Variants in CFI observed in about 807,000 individuals in gnomAD.
CFI encodes the protein complement factor I.
In CFI, 66 loss-of-function variants were observed where a neutral mutation model predicts 78.8. The observed-to-expected ratio is 0.84, with a 90% CI of 0.69 to 1.03. The LOEUF is 1.03. Ranked by LOEUF, CFI falls within the 50% of genes least tolerant of loss-of-function variation. CFI has a pLI of 0.00. For missense variants in CFI, 706 were observed against 704.5 expected, an observed-to-expected ratio of 1.00 and a Z score of -0.02; for synonymous variants, 250 against 232.6, an observed-to-expected ratio of 1.07 and a Z score of -0.68.
intron 1 of CFI, among the ~76,000 whole-genome samples, chr4:109,786,822 T>G (rs1447921376): frequency 2.6e-5 from 4 of 152,152 alleles, no homozygotes; most frequent in Non-Finnish European, 5.9e-5. Context: ...TGAAGATCTG[T>G]ATAAATGTGA....
chr4:109,774,653 G>A (rs1728996548), intron 1 of CFI, among the ~76,000 whole-genome samples: 1 of 152,218 alleles, frequency 6.6e-6, no homozygotes, highest in Non-Finnish European at 1.5e-5. Context: ...AAAGCCCTTG[G>A]AGGGTGTAAA....
downstream of CFI, among the ~76,000 whole-genome samples, chr4:109,740,362 G>GA (rs1445935497): frequency 7.2e-4 from 103 of 143,952 alleles, 1 homozygote; most frequent in African/African-American, 2.3e-3. Context: ...GAGAAAGAAA[G>GA]AAGGAAAGAG....
At chr4:109,795,924 AG>A (rs1448154710) in intron 1 of CFI, among the ~76,000 whole-genome samples, 1 of 152,216 alleles carries the variant, frequency 6.6e-6, no homozygotes, top group Non-Finnish European at 1.5e-5. Context: ...GGAAAAGGAA[AG>A]AAAGCTTATT....
chr4:109,789,410 G>C (rs763112311), intron 1 of CFI, among the ~76,000 whole-genome samples: 109 of 151,006 alleles, frequency 7.2e-4, no homozygotes, highest in Non-Finnish European at 1.2e-3. Flanking sequence ...CAATAACTAA[G>C]AGAAAATCTT....
chr4:109,756,941 GAAAGAAAGAAAGAAAGAAA>G (rs1726333813), intron 7 of CFI, among the ~76,000 whole-genome samples: 1 of 147,938 alleles, frequency 6.8e-6, no homozygotes, highest in Non-Finnish European at 1.5e-5. Context: ...AAGAAAGAAA[GAAAGAAAGAAAGAAAGAAA>G]GAAAGAAAGA....
rs944795124 is a variant in CFI, at chr4:109,746,432, T to C, written c.1219A>G (p.Ile407Val). ...ATTCTATCCACGTATTCAATTACTATACGTTTAAGGTCGGGGTGTATCCAG... is the reference window on the plus strand; with the variant it reads ...ATTCTATCCACGTATTCAATTACTACACGTTTAAGGTCGGGGTGTATCCAG... ...VDWIHPDLKRIVIEYVDRIIF... is the reference protein window; with the variant it reads ...VDWIHPDLKRVVIEYVDRIIF... Residue 407 changes from isoleucine to valine, a missense_variant, in exon 11 of 13, where the codon ATA becomes GTA. Ile to Val is a conservative substitution (Grantham distance 29). Transcript: ENST00000394634. 4 of 1,613,862 alleles carry C rather than the reference T, an allele frequency of 2.5e-6. No homozygotes were observed. Among genetic ancestry groups the C allele is most frequent in the Non-Finnish European group, 3.4e-6 (4 of 1,179,912 alleles).
intron 1 of CFI, among the ~76,000 whole-genome samples, chr4:109,771,606 C>G (rs1579253448): frequency 6.9e-6 from 1 of 145,492 alleles, no homozygotes; most frequent in African/African-American, 2.6e-5. Context: ...CCCAGCTACT[C>G]AGGAGGCTGA....
chr4:109,780,256 A>T (rs1729828179), intron 1 of CFI, among the ~76,000 whole-genome samples: 1 of 152,100 alleles, frequency 6.6e-6, no homozygotes, highest in Non-Finnish European at 1.5e-5. Context: ...ATCTGACGAC[A>T]GGCTAATATC....
chr4:109,754,843 T>C (rs1211072913), intron 7 of CFI, among the ~76,000 whole-genome samples: 1 of 152,138 alleles, frequency 6.6e-6, no homozygotes, highest in East Asian at 1.9e-4. Context: ...AGCTGAGGTG[T>C]ACTAGGTATT....
chr4:109,778,131 T>G (rs1215862121), intron 1 of CFI, among the ~76,000 whole-genome samples: 1 of 151,826 alleles, frequency 6.6e-6, no homozygotes, highest in Non-Finnish European at 1.5e-5. Context: ...ATAACTAAGA[T>G]CAGAGCAGAA....
At chr4:109,747,702 T>C (rs1289340298) in intron 10 of CFI, among the ~76,000 whole-genome samples, 1 of 152,160 alleles carries the variant, frequency 6.6e-6, no homozygotes, top group African/African-American at 2.4e-5. Context: ...TTTCAAAAAA[T>C]GTATTATTTA....
At chr4:109,759,899 A>G (rs1408959647) in intron 6 of CFI, among the ~76,000 whole-genome samples, 1 of 149,080 alleles carries the variant, frequency 6.7e-6, no homozygotes, top group Admixed American at 6.8e-5. Flanking sequence ...ATCACAAAAA[A>G]AGTAATAGTA....
Position 109,746,473 on chromosome 4 carries a change from C to CAT in CFI, c.1176_1177dup (p.Trp393TyrfsTer5), listed in dbSNP as rs758049059. On this transcript the variant is annotated frameshift_variant, in exon 11 of 13. Coordinates refer to ENST00000394634, the MANE Select transcript of CFI (RefSeq NM_000204.5). LOFTEE classifies it high-confidence loss of function. The stretch of plus-strand genomic sequence containing the variant: ...GTGTATCCAGTCTACTACTGTTGTC[C>CAT]ATATTTGGTAACGATGAGTTTTACT... The CAT allele has an allele frequency of 4.3e-6, 7 of 1,612,024 alleles. No homozygotes were observed. The Admixed American group carries it at 6.7e-5, about 15-fold the overall frequency.
In CFI at chr4:109,749,144, A is replaced by G. The variant is rs1029974218; in HGVS notation, c.1148+74T>C. The G allele has an allele frequency of 1.5e-5, 19 of 1,287,678 alleles. No individual in the cohort carries two copies. The African/African-American group carries it at 2.0e-4, about 14-fold the overall frequency. 79.8% of individuals were successfully genotyped at this position (1,287,678 alleles called of 1,614,324 possible). Reference sequence around the variant, plus strand: ...TCAGTACCTTTTTCAGATATGCTTTATCATCTGCCACAATCTCTATTACTC... The same window carrying G: ...TCAGTACCTTTTTCAGATATGCTTTGTCATCTGCCACAATCTCTATTACTC... On this transcript the variant is annotated intron_variant, in intron 10 of 12. Transcript: ENST00000394634.
chr4:109,787,404 C>T (rs1032156642), intron 1 of CFI, among the ~76,000 whole-genome samples: 3 of 151,916 alleles, frequency 2.0e-5, no homozygotes, highest in African/African-American at 4.8e-5. Flanking sequence ...TTTTTCTCTC[C>T]TTGGAGCTGC....
chr4:109,758,929 C>T (rs1413161133), intron 6 of CFI, among the ~76,000 whole-genome samples: 1 of 152,132 alleles, frequency 6.6e-6, no homozygotes, highest in African/African-American at 2.4e-5. Context: ...TCTGTCTCTT[C>T]TAAAAACAGA....
intron 1 of CFI, among the ~76,000 whole-genome samples, chr4:109,798,340 A>C (rs1348885642): frequency 2.0e-5 from 3 of 152,194 alleles, no homozygotes; most frequent in African/African-American, 7.2e-5. Context: ...GCACACACAA[A>C]ATAATAAATA....
chr4:109,766,539 C>T lies in CFI; in HGVS notation c.328+15G>A. ...TTTATATCATAGAATGACTTGAAAACTAGTCTCTTGCTACCTTCGGCTGTG... is the reference window on the plus strand; with the variant it reads ...TTTATATCATAGAATGACTTGAAAATTAGTCTCTTGCTACCTTCGGCTGTG... On this transcript the variant is annotated intron_variant, in intron 2 of 12. Transcript: ENST00000394634. 1 of 1,613,856 alleles carries T rather than the reference C, an allele frequency of 6.2e-7. No individual in the cohort carries two copies. The highest frequency in any genetic ancestry group is 8.5e-7 in the Non-Finnish European group (1 of 1,179,776).
downstream of CFI, among the ~76,000 whole-genome samples, chr4:109,737,056 C>CT (rs2126174681): frequency 6.6e-6 from 1 of 152,234 alleles, no homozygotes; most frequent in South Asian, 2.1e-4. Context: ...CAGTGCCATC[C>CT]TTTTTATCCC....
Sources: gnomAD v4.1 joint callset for allele counts (sites outside exome capture counted in the v4.1 genomes callset) on GRCh38, gnomAD v4.1.1 for gene constraint, MANE v1.5 for transcripts, NCBI Gene and HGNC (gene_info 2026-07-23, HGNC 2026-07-21) for gene names.